The following GPR149 variants were observed in gnomAD, a reference collection of about 807,000 sequenced individuals.
GPR149 encodes probable G protein-coupled receptor 149.
In GPR149, 50 loss-of-function variants were observed where a neutral mutation model predicts 50.2. The ratio of observed to expected loss-of-function variants is 1.00; its 90% confidence interval spans 0.79 to 1.26. GPR149 has a LOEUF of 1.26. GPR149 is among the 50% of genes most tolerant of loss of function. GPR149 has a pLI of 0.00. For missense variants in GPR149, 983 were observed against 895.4 expected, an observed-to-expected ratio of 1.10 and a Z score of -1.25; for synonymous variants, 405 against 358.2, an observed-to-expected ratio of 1.13 and a Z score of -1.48.
At chr3:154,363,823 A>AT (rs955812761) in intron 3 of GPR149, among the ~76,000 whole-genome samples, 9 of 150,488 alleles carry the variant, frequency 6.0e-5, no homozygotes, top group African/African-American at 1.3e-4. Flanking sequence ...TTTTAAGCCC[A>AT]TAAAAACCCC....
At chr3:154,414,110 T>C (rs978207253) in intron 3 of GPR149, among the ~76,000 whole-genome samples, 6 of 151,978 alleles carry the variant, frequency 3.9e-5, no homozygotes, top group African/African-American at 9.7e-5. Flanking sequence ...AGTTAAGCCA[T>C]GAGGATGCAA....
At chr3:154,422,337 C>T (rs2108430260) in intron 2 of GPR149, among the ~76,000 whole-genome samples, 1 of 151,568 alleles carries the variant, frequency 6.6e-6, no homozygotes, top group East Asian at 1.9e-4. Context: ...TGTTGAATGT[C>T]ATTAAATGCT....
intron 3 of GPR149, among the ~76,000 whole-genome samples, chr3:154,402,443 TAA>T (rs1711569453): frequency 1.3e-5 from 2 of 148,584 alleles, no homozygotes; most frequent in African/African-American, 2.6e-5. Flanking sequence ...AATAAATAAA[TAA>T]ATATAGAATA....
intron 3 of GPR149, chr3:154,353,015 T>C (rs547934391): frequency 7.5e-7 from 1 of 1,333,326 alleles, no homozygotes; most frequent in South Asian, 1.2e-5. Flanking sequence ...CCACCAAAAC[T>C]TTAAAACTAT....
chr3:154,422,654 T>C (rs1175989797), intron 2 of GPR149, among the ~76,000 whole-genome samples: 1 of 151,818 alleles, frequency 6.6e-6, no homozygotes, highest in Non-Finnish European at 1.5e-5. Flanking sequence ...CCAATTCTGT[T>C]GACTGAAAAA....
intron 3 of GPR149, among the ~76,000 whole-genome samples, chr3:154,376,140 A>G (rs927935314): frequency 6.6e-6 from 1 of 152,238 alleles, no homozygotes; most frequent in Admixed American, 6.5e-5. Flanking sequence ...CTAGCTAGCT[A>G]TCATTTATCT....
In GPR149 at chr3:154,338,227, C is replaced by A. The variant is rs369871702; in HGVS notation, c.1668G>T (p.Gly556=). 17 of 1,606,810 alleles carry A rather than the reference C, an allele frequency of 1.1e-5. No homozygotes were observed. In the African/African-American group the frequency reaches 2.3e-4, roughly 22 times the overall value. The change falls in exon 4 of 4, where the codon GGG becomes GGT. Residue 556 remains glycine (G), a synonymous_variant. Transcript: ENST00000389740. ...CTGTAGGTGCATGGAGAGACACAGT[C>A]CCCTGGAATGCACACAAGGGAATGG... ...ALAIPLCAFQ[G]TVSLHAPTGK...
chr3:154,411,287 G>A (rs1711825349), intron 3 of GPR149, among the ~76,000 whole-genome samples: 1 of 152,012 alleles, frequency 6.6e-6, no homozygotes, highest in Non-Finnish European at 1.5e-5. Context: ...CATGGAACTG[G>A]TGAAACAAGA....
intron 3 of GPR149, among the ~76,000 whole-genome samples, chr3:154,412,187 G>T (rs550381855): frequency 6.6e-6 from 1 of 152,032 alleles, no homozygotes; most frequent in East Asian, 1.9e-4. Context: ...AATCAGCATA[G>T]AAGGGACATA....
At chr3:154,403,789 G>GAA (rs35117968) in intron 3 of GPR149, among the ~76,000 whole-genome samples, 2,980 of 149,014 alleles carry the variant, frequency 0.02, 75 homozygotes, top group African/African-American at 0.069. Context: ...CTAACTCTAT[G>GAA]AAAAAAAAAA....
At chr3:154,354,552 G>A (rs1714171102) in intron 3 of GPR149, among the ~76,000 whole-genome samples, 1 of 151,932 alleles carries the variant, frequency 6.6e-6, no homozygotes, top group Non-Finnish European at 1.5e-5. Flanking sequence ...AGTGTTTCAG[G>A]ATTTTTTTTT....
intron 3 of GPR149, among the ~76,000 whole-genome samples, chr3:154,370,560 C>T (rs1174138314): frequency 2.6e-5 from 4 of 152,126 alleles, no homozygotes; most frequent in Admixed American, 6.5e-5. Flanking sequence ...TGCACTGCTC[C>T]AGAGGATGAA....
Position 154,349,391 on chromosome 3 carries a change from T to TGTCTTCTGTG in GPR149, c.1624-11121_1624-11120insCACAGAAGAC, listed in dbSNP as rs1480866466. ...ACAAAGAGAAGACACAGATTACCAG[T>TGTCTTCTGTG]ATTAGGAATGAAACAGGATATCACT... is the stretch of plus-strand genomic sequence containing the variant. On this transcript the variant is annotated intron_variant, in intron 3 of 3. Transcript: ENST00000389740. 1.8e-4 allele frequency among the ~76,000 whole-genome samples: 27 copies of TGTCTTCTGTG among 152,224 alleles called. No homozygotes were observed. The East Asian group carries it at 4.8e-3, about 27-fold the overall frequency.
At chr3:154,357,969 G>T in intron 3 of GPR149, among the ~76,000 whole-genome samples, 1 of 149,996 alleles carries the variant, frequency 6.7e-6, no homozygotes, top group South Asian at 2.1e-4. Context: ...CATAAAAAAT[G>T]ATGAGTTCAT....
intron 3 of GPR149, among the ~76,000 whole-genome samples, chr3:154,362,207 T>A (rs1714421963): frequency 6.9e-6 from 1 of 145,188 alleles, no homozygotes; most frequent in African/African-American, 2.6e-5. Context: ...GAGAATGGTG[T>A]GAACCCGGGA....
intron 3 of GPR149, among the ~76,000 whole-genome samples, chr3:154,355,457 G>A (rs898826493): frequency 6.6e-6 from 1 of 152,146 alleles, no homozygotes; most frequent in Non-Finnish European, 1.5e-5. Flanking sequence ...TAAGTGTGTT[G>A]TTTCTCTTGG....
In GPR149 at chr3:154,352,187, A is replaced by T; in HGVS notation, c.1624-13916T>A. On this transcript the variant is annotated intron_variant, in intron 3 of 3. Transcript: ENST00000389740. ...CACTTCTTGATCGAGTTCTATTCCC[A>T]CTTCATCTTCTACCATCTTGTCGAC... is the stretch of plus-strand genomic sequence containing the variant. 3 of 839,060 alleles carry T rather than the reference A, an allele frequency of 3.6e-6. No individual in the cohort carries two copies. The South Asian group carries it at 5.7e-5, about 16-fold the overall frequency. 52.0% of individuals were successfully genotyped at this position (839,060 alleles called of 1,614,324 possible).
chr3:154,354,527 C>T (rs772926665), intron 3 of GPR149, among the ~76,000 whole-genome samples: 1 of 152,090 alleles, frequency 6.6e-6, no homozygotes, highest in African/African-American at 2.4e-5. Flanking sequence ...TTTTCCAGCA[C>T]CCTGTGATCC....
intron 3 of GPR149, among the ~76,000 whole-genome samples, chr3:154,404,668 A>G (rs1711627004): frequency 2.6e-5 from 4 of 152,228 alleles, no homozygotes; most frequent in Non-Finnish European, 5.9e-5. Context: ...CTGGAATCAG[A>G]TAACTGAAGT....
Sources: gnomAD v4.1 joint callset for allele counts (sites outside exome capture counted in the v4.1 genomes callset) on GRCh38, gnomAD v4.1.1 for gene constraint, MANE v1.5 for transcripts, NCBI Gene and HGNC (gene_info 2026-07-23, HGNC 2026-07-21) for gene names.